The following CLSTN2 variants were observed in gnomAD, a reference collection of about 807,000 sequenced individuals.
CLSTN2 encodes the protein calsyntenin 2, also known as calsyntenin-2.
In CLSTN2, 48 loss-of-function variants were observed where a neutral mutation model predicts 101.2. That is an observed-to-expected ratio of 0.47 (90% CI 0.38 to 0.60). The LOEUF (loss-of-function observed/expected upper bound fraction) is 0.60, where lower values mean the gene tolerates loss of function less well. CLSTN2 is among the 20% of genes least tolerant of loss of function. CLSTN2 has a pLI of 0.00. For missense variants in CLSTN2, 1,160 were observed against 1,238.2 expected (o/e 0.94, Z 0.95); for synonymous variants, 481 against 463.6 (o/e 1.04, Z -0.48).
chr3:140,441,944 G>C (rs1559870793), intron 5 of CLSTN2, among the ~76,000 whole-genome samples: 1 of 152,180 alleles, frequency 6.6e-6, no homozygotes, highest in Non-Finnish European at 1.5e-5. Flanking sequence ...CTCAGAAGCG[G>C]AAGTACTATT....
intron 1 of CLSTN2, among the ~76,000 whole-genome samples, chr3:140,087,347 G>T (rs546901453): frequency 6.6e-6 from 1 of 152,170 alleles, no homozygotes; most frequent in East Asian, 1.9e-4. Context: ...CTGATTAAAG[G>T]TTAAACATAT....
chr3:139,991,160 A>G (rs2107828175), intron 1 of CLSTN2, among the ~76,000 whole-genome samples: 1 of 152,328 alleles, frequency 6.6e-6, no homozygotes, highest in East Asian at 1.9e-4. Context: ...AATTGTGATG[A>G]GCACATATTG....
intron 2 of CLSTN2, among the ~76,000 whole-genome samples, chr3:140,306,150 A>G (rs972638477): frequency 6.6e-6 from 1 of 152,146 alleles, no homozygotes; most frequent in Admixed American, 6.5e-5. Flanking sequence ...GCCCTTGTCA[A>G]ATATACTCAC....
intron 2 of CLSTN2, among the ~76,000 whole-genome samples, chr3:140,351,376 T>C (rs575783272): frequency 6.6e-6 from 1 of 152,326 alleles, no homozygotes; most frequent in East Asian, 1.9e-4. Context: ...TGCAGGGCAA[T>C]AAAACTGTAA....
intron 1 of CLSTN2, among the ~76,000 whole-genome samples, chr3:140,068,877 T>C (rs1228843248): frequency 3.3e-5 from 5 of 152,248 alleles, no homozygotes; most frequent in African/African-American, 9.6e-5. Context: ...GCCTAGGTTC[T>C]AACATCATAC....
intron 1 of CLSTN2, among the ~76,000 whole-genome samples, chr3:140,123,136 AATG>A (rs1479034070): frequency 8.6e-6 from 1 of 116,496 alleles, no homozygotes; most frequent in African/African-American, 3.3e-5. Context: ...TTGCTTCCAA[AATG>A]ATACCTTGTT....
intron 1 of CLSTN2, among the ~76,000 whole-genome samples, chr3:140,157,065 T>C (rs1170601374): frequency 6.6e-6 from 1 of 152,154 alleles, no homozygotes; most frequent in Non-Finnish European, 1.5e-5. Flanking sequence ...GTGAAGTAGA[T>C]TGACTTCCTA....
intron 1 of CLSTN2, among the ~76,000 whole-genome samples, chr3:140,086,154 A>T (rs1281118015): frequency 6.6e-6 from 1 of 152,228 alleles, no homozygotes; most frequent in African/African-American, 2.4e-5. Flanking sequence ...CTCTGGTGTG[A>T]TAATGCTAAC....
intron 4 of CLSTN2, among the ~76,000 whole-genome samples, chr3:140,407,207 C>A (rs556184966): frequency 6.6e-6 from 1 of 152,298 alleles, no homozygotes; most frequent in African/African-American, 2.4e-5. Context: ...ACCTTTCTGA[C>A]TCCTTGAAGA....
At chr3:140,482,573 G>A (rs1379812878) in intron 8 of CLSTN2, among the ~76,000 whole-genome samples, 1 of 152,096 alleles carries the variant, frequency 6.6e-6, no homozygotes, top group African/African-American at 2.4e-5. Context: ...ATCTGGTCCT[G>A]GACTTTTTTT....
Position 140,114,262 on chromosome 3 carries a change from T to C in CLSTN2, c.110-61689T>C, listed in dbSNP as rs114319290. Among the ~76,000 whole-genome samples, 990 of 152,318 alleles carry C rather than the reference T, an allele frequency of 6.5e-3. 9 individuals are homozygous for C. The highest frequency in any genetic ancestry group is 0.022 in the African/African-American group (932 of 41,556). On this transcript the variant is annotated intron_variant, in intron 1 of 16. Transcript: ENST00000458420. ...CATCATTCCCAGAATTTGTTGCTTC[T>C]CCCACTTTTTGTGCTTTGCATATGT...
intron 8 of CLSTN2, 90 bp downstream of exon 8, chr3:140,466,821 C>A: frequency 1.3e-6 from 2 of 1,559,016 alleles, no homozygotes; most frequent in Non-Finnish European, 1.7e-6. Context: ...GGAGGCACTG[C>A]AAGGTCCTGA....
At position 140,570,077 on chromosome 3, in the gene CLSTN2, C is replaced by G. The variant is rs182336137; in HGVS notation, c.*3824C>G. The G allele has an allele frequency of 2.4e-4, 37 of 152,288 alleles. No homozygotes were observed. Among genetic ancestry groups the G allele is most frequent in the African/African-American group, 8.2e-4 (34 of 41,560 alleles). The allele number at this position is 152,288 out of a possible 1,614,324, so 9.4% of individuals were successfully genotyped here. The stretch of plus-strand genomic sequence containing the variant: ...AGGGCTCTACTTTGTATACATGGAC[C>G]ATCCAGTGAGAGAGCTGGGGGTGGT... On this transcript the variant is annotated 3_prime_UTR_variant, in exon 17 of 17. Coordinates refer to ENST00000458420, the MANE Select transcript of CLSTN2 (RefSeq NM_022131.3).
At chr3:140,500,472 A>G (rs1204317377) in intron 8 of CLSTN2, among the ~76,000 whole-genome samples, 2 of 152,330 alleles carry the variant, frequency 1.3e-5, no homozygotes, top group East Asian at 3.9e-4. Flanking sequence ...TGAATGTAAA[A>G]CAAGGATTAT....
intron 8 of CLSTN2, among the ~76,000 whole-genome samples, chr3:140,480,235 G>T (rs1934084799): frequency 6.6e-6 from 1 of 152,086 alleles, no homozygotes; most frequent in Non-Finnish European, 1.5e-5. Flanking sequence ...TGAGAATGAT[G>T]ATTTCCAGCT....
chr3:139,995,592 A>T (rs1034457174), intron 1 of CLSTN2, among the ~76,000 whole-genome samples: 1 of 152,074 alleles, frequency 6.6e-6, no homozygotes, highest in Non-Finnish European at 1.5e-5. Flanking sequence ...ACTGTTCCAT[A>T]CGTTTTGTCC....
At chr3:140,068,304 T>G (rs1324735599) in intron 1 of CLSTN2, among the ~76,000 whole-genome samples, 1 of 152,232 alleles carries the variant, frequency 6.6e-6, no homozygotes, top group Non-Finnish European at 1.5e-5. Flanking sequence ...ACAATTCATT[T>G]AACGCTCTTT....
chr3:140,145,502 G>C (rs960631086), intron 1 of CLSTN2, among the ~76,000 whole-genome samples: 1 of 152,214 alleles, frequency 6.6e-6, no homozygotes, highest in Non-Finnish European at 1.5e-5. Context: ...TTTCAGCAAG[G>C]CTGAATCATT....
At chr3:140,408,820 A>G (rs1052358468) in intron 4 of CLSTN2, among the ~76,000 whole-genome samples, 4 of 152,156 alleles carry the variant, frequency 2.6e-5, no homozygotes. Context: ...CCTGTGGTTA[A>G]CCCCTTTGCT....
Sources: gnomAD v4.1 joint callset for allele counts (sites outside exome capture counted in the v4.1 genomes callset) on GRCh38, gnomAD v4.1.1 for gene constraint, MANE v1.5 for transcripts, NCBI Gene and HGNC (gene_info 2026-07-23, HGNC 2026-07-21) for gene names.